The following PTPRD variants were observed in gnomAD, a reference collection of about 807,000 sequenced individuals.
PTPRD encodes receptor-type tyrosine-protein phosphatase delta.
In PTPRD, 34 loss-of-function variants were observed where a neutral mutation model predicts 214.5. That is an observed-to-expected ratio of 0.16 (90% CI 0.12 to 0.21). The LOEUF is 0.21. PTPRD is among the 10% of genes least tolerant of loss of function. The probability of loss-of-function intolerance (pLI) is 1.00; values close to 1 mark genes in which losing one functional copy is unlikely to be tolerated. For synonymous variants in PTPRD, 1,128 were observed against 845.7 expected (o/e 1.33, Z -5.79); for missense variants, 2,545 against 2,398.7 (o/e 1.06, Z -1.27).
At chr9:9,505,653 G>T (rs1339469144) in intron 8 of PTPRD, among the ~76,000 whole-genome samples, 1 of 151,370 alleles carries the variant, frequency 6.6e-6, no homozygotes, top group African/African-American at 2.4e-5. Flanking sequence ...GTTTCATCTA[G>T]GCATGCTCAC....
intron 30 of PTPRD, among the ~76,000 whole-genome samples, chr9:8,481,661 G>A (rs1165984765): frequency 6.6e-6 from 1 of 152,012 alleles, no homozygotes; most frequent in Non-Finnish European, 1.5e-5. Flanking sequence ...CCTATTAACG[G>A]AGACCTTTAT....
At chr9:10,153,321 G>A (rs1277773444) in intron 3 of PTPRD, among the ~76,000 whole-genome samples, 1 of 151,474 alleles carries the variant, frequency 6.6e-6, no homozygotes, top group Non-Finnish European at 1.5e-5. Context: ...TTTTAAAAAT[G>A]TATTTTAAAT....
At position 10,384,277 on chromosome 9, in the gene PTPRD, C is replaced by T. The variant is rs1017450580; in HGVS notation, c.-599-43260G>A. Among the ~76,000 whole-genome samples, 8 of 151,544 alleles carry T rather than the reference C, an allele frequency of 5.3e-5. No homozygotes were observed. In the East Asian group the frequency reaches 1.4e-3, roughly 26 times the overall value. On this transcript the variant is annotated intron_variant, in intron 2 of 45. Coordinates refer to ENST00000381196, the MANE Select transcript of PTPRD (RefSeq NM_002839.4). ...GCATTACATGCCTATATCAAAATAT[C>T]TCATGTACCCCATAAATATATACAC...
At chr9:8,692,918 C>G (rs2097839859) in intron 12 of PTPRD, among the ~76,000 whole-genome samples, 1 of 152,196 alleles carries the variant, frequency 6.6e-6, no homozygotes, top group East Asian at 1.9e-4. Context: ...ACTAAATTCA[C>G]TACTCAGTTT....
chr9:8,539,617 T>C (rs2077842655), intron 14 of PTPRD, among the ~76,000 whole-genome samples: 1 of 152,052 alleles, frequency 6.6e-6, no homozygotes, highest in Admixed American at 6.6e-5. Flanking sequence ...AAGGGATAAT[T>C]CAAATTCTTG....
chr9:10,362,550 T>C (rs1337723637), intron 2 of PTPRD, among the ~76,000 whole-genome samples: 1 of 152,068 alleles, frequency 6.6e-6, no homozygotes, highest in Non-Finnish European at 1.5e-5. Context: ...TTTCTCTACC[T>C]CTCTCAGAGC....
chr9:8,772,562 G>C (rs778315885), intron 11 of PTPRD, among the ~76,000 whole-genome samples: 1 of 152,002 alleles, frequency 6.6e-6, no homozygotes, highest in African/African-American at 2.4e-5. Flanking sequence ...AGGATCACTT[G>C]AGCCCAGGAG....
chr9:9,603,384 T>G (rs2093921377), intron 7 of PTPRD, among the ~76,000 whole-genome samples: 1 of 152,142 alleles, frequency 6.6e-6, no homozygotes, highest in African/African-American at 2.4e-5. Flanking sequence ...TCAGCTATGG[T>G]ACCCTAATTT....
chr9:10,054,740 A>C (rs442100), intron 3 of PTPRD, among the ~76,000 whole-genome samples: 13 of 151,958 alleles, frequency 8.6e-5, no homozygotes, highest in African/African-American at 1.2e-4. Flanking sequence ...GTCAGCAAGC[A>C]TTTAAAAATC....
At chr9:9,912,687 C>T (rs72692733) in intron 5 of PTPRD, among the ~76,000 whole-genome samples, 12,754 of 152,204 alleles carry the variant, frequency 0.084, 644 homozygotes, top group South Asian at 0.2. Flanking sequence ...TATTATAATC[C>T]ATAATTACAA....
At chr9:8,839,263 A>G (rs1018736177) in intron 11 of PTPRD, among the ~76,000 whole-genome samples, 3 of 152,176 alleles carry the variant, frequency 2.0e-5, no homozygotes, top group Non-Finnish European at 4.4e-5. Flanking sequence ...TTAAATGAAC[A>G]AAACCTAGAT....
At chr9:10,558,292 T>TGATATA (rs1397835852) in intron 2 of PTPRD, among the ~76,000 whole-genome samples, 1 of 152,168 alleles carries the variant, frequency 6.6e-6, no homozygotes, top group Non-Finnish European at 1.5e-5. Flanking sequence ...CAATCATCTT[T>TGATATA]GATATAGATC....
chr9:8,462,950 C>T (rs774168187), intron 32 of PTPRD, among the ~76,000 whole-genome samples: 3 of 151,800 alleles, frequency 2.0e-5, no homozygotes, highest in Non-Finnish European at 4.4e-5. Flanking sequence ...GAACCTTGTA[C>T]TTAGTGGGTT....
intron 7 of PTPRD, among the ~76,000 whole-genome samples, chr9:9,577,488 C>A (rs1486290894): frequency 6.6e-6 from 1 of 152,046 alleles, no homozygotes; most frequent in Admixed American, 6.6e-5. Flanking sequence ...CGCTTGAACC[C>A]TGGAAATTGA....
intron 2 of PTPRD, among the ~76,000 whole-genome samples, chr9:10,598,711 G>GT (rs57068953): frequency 3.6e-5 from 5 of 137,074 alleles, no homozygotes; most frequent in African/African-American, 1.1e-4. Flanking sequence ...TGTGGTGTGT[G>GT]GTGTGTGTGT....
intron 2 of PTPRD, chr9:10,532,500 T>C (rs1286863629): frequency 6.7e-6 from 1 of 150,216 alleles, no homozygotes; most frequent in Non-Finnish European, 1.5e-5. Flanking sequence ...AATGGCCAGA[T>C]GAACAGTGTC....
intron 2 of PTPRD, among the ~76,000 whole-genome samples, chr9:10,459,780 C>T (rs1421097426): frequency 1.3e-5 from 2 of 151,526 alleles, no homozygotes; most frequent in Non-Finnish European, 2.9e-5. Context: ...ATTTAAGTTC[C>T]TTGTGGATTC....
intron 3 of PTPRD, among the ~76,000 whole-genome samples, chr9:10,230,346 T>A (rs919858722): frequency 6.6e-6 from 1 of 151,960 alleles, no homozygotes; most frequent in Non-Finnish European, 1.5e-5. Flanking sequence ...ATAATGTGTA[T>A]CCTTGATATC....
intron 9 of PTPRD, among the ~76,000 whole-genome samples, chr9:9,326,560 G>C (rs1320342067): frequency 6.7e-6 from 1 of 149,646 alleles, no homozygotes; most frequent in Non-Finnish European, 1.5e-5. Flanking sequence ...TTGATCTTCT[G>C]AAAATAAAAA....
Sources: gnomAD v4.1 joint callset for allele counts (sites outside exome capture counted in the v4.1 genomes callset) on GRCh38, gnomAD v4.1.1 for gene constraint, MANE v1.5 for transcripts, NCBI Gene and HGNC (gene_info 2026-07-23, HGNC 2026-07-21) for gene names.